CD99L2: variants seen among roughly 807,000 people sequenced by gnomAD.
CD99L2 encodes the protein CD99 molecule like 2.
CD99L2 carries 24 observed loss-of-function variants against 27.3 expected under a neutral mutation model. The observed-to-expected ratio is 0.88, with a 90% confidence interval of 0.64 to 1.24. The LOEUF is 1.24. Ranked by LOEUF, CD99L2 falls within the 50% of genes most tolerant of loss-of-function variation. The pLI, the probability that CD99L2 is intolerant of heterozygous loss-of-function variation, is 0.00. For synonymous variants in CD99L2, 97 were observed against 87.9 expected, an observed-to-expected ratio of 1.10 and a Z score of -0.58; for missense variants, 255 against 221.6, an observed-to-expected ratio of 1.15 and a Z score of -0.96.
At chrX:150,845,917 G>A (rs2046694306) in intron 1 of CD99L2, among the ~76,000 whole-genome samples, 3 of 112,469 alleles carry the variant, frequency 2.7e-5, no homozygotes, top group Non-Finnish European at 3.8e-5. Flanking sequence ...TTAGCTGGGC[G>A]CAGTGGCTCA....
intron 2 of CD99L2, among the ~76,000 whole-genome samples, chrX:150,817,947 TA>T (rs1185342506): frequency 1.5e-3 from 167 of 110,375 alleles, no homozygotes; most frequent in African/African-American, 5.0e-3. Context: ...GCAGCTATAC[TA>T]ATATCAGATA....
chrX:150,795,609 C>T, intron 4 of CD99L2, 123 bp from the exon 5 acceptor site: 1 of 639,703 alleles, frequency 1.6e-6, no homozygotes, highest in Non-Finnish European at 2.5e-6. Context: ...TCCTATAGGA[C>T]CTCTGCAGAA....
At chrX:150,853,793 G>A (rs1684712206) in intron 1 of CD99L2, among the ~76,000 whole-genome samples, 1 of 111,893 alleles carries the variant, frequency 8.9e-6, no homozygotes, top group Admixed American at 9.5e-5. Context: ...ACAATCCAGT[G>A]CACCATGTTC....
intron 1 of CD99L2, among the ~76,000 whole-genome samples, chrX:150,862,438 G>A (rs1198400062): frequency 1.9e-4 from 21 of 111,732 alleles, no homozygotes; most frequent in Admixed American, 1.7e-3. Flanking sequence ...GCCAAGGAAC[G>A]CAGGCAGTCT....
At chrX:150,867,504 C>T (rs1217798730) in intron 1 of CD99L2, among the ~76,000 whole-genome samples, 2 of 112,064 alleles carry the variant, frequency 1.8e-5, no homozygotes, top group Non-Finnish European at 3.8e-5. Context: ...TGGCTCACGC[C>T]TGTAATCCCA....
chrX:150,783,411 C>T (rs781833412), intron 7 of CD99L2, among the ~76,000 whole-genome samples: 4 of 111,399 alleles, frequency 3.6e-5, no homozygotes, highest in South Asian at 3.8e-4. Context: ...CCCTTTAACC[C>T]TGTGAACTAC....
At chrX:150,776,397 C>T (rs2043553766) in intron 8 of CD99L2, 104 bp from the exon 9 acceptor site, 11 of 944,440 alleles carry the variant, frequency 1.2e-5, no homozygotes, top group African/African-American at 5.9e-5. Flanking sequence ...AACTACTAGA[C>T]GCCCCCAACC....
intron 1 of CD99L2, among the ~76,000 whole-genome samples, chrX:150,849,632 T>C (rs1321094112): frequency 1.8e-5 from 2 of 111,693 alleles, no homozygotes; most frequent in Non-Finnish European, 3.8e-5. Context: ...CAGTGAGCCA[T>C]GACCGCACCA....
Position 150,861,905 on chromosome X carries a change from C to CA in CD99L2, c.68-30613dup, listed in dbSNP as rs1344952307. ...TGGGCAACAGAGCGAGACTCTTTCT[C>CA]AAAAAAAAAAAAAGAGAGAGAGAGA... On this transcript the variant is annotated intron_variant, in intron 1 of 10. Transcript: ENST00000370377. Among the ~76,000 whole-genome samples, 578 of 82,718 alleles carry CA rather than the reference C, an allele frequency of 7.0e-3. 7 individuals are homozygous for CA. Among genetic ancestry groups the CA allele is most frequent in the African/African-American group, 0.02 (445 of 21,859 alleles). The allele number at this position is 82,718 out of a possible 115,157, so 71.8% of individuals were successfully genotyped here. A position where few individuals can be genotyped will look rare whatever the true frequency, so the allele number is the denominator to read the frequency against.
chrX:150,821,643 A>G (rs1465983112), intron 2 of CD99L2, among the ~76,000 whole-genome samples: 1 of 112,688 alleles, frequency 8.9e-6, no homozygotes, highest in Non-Finnish European at 1.9e-5. Context: ...AAAAGAAAAA[A>G]CACATAAATT....
intron 1 of CD99L2, among the ~76,000 whole-genome samples, chrX:150,868,204 A>T (rs1321396532): frequency 9.0e-6 from 1 of 111,550 alleles, no homozygotes; most frequent in African/African-American, 3.3e-5. Context: ...TGTTGGTAAC[A>T]TTCAATATCC....
rs1557418791 is a variant in CD99L2, at chrX:150,768,469, CTG to C, written c.*563_*564del. On this transcript the variant is annotated 3_prime_UTR_variant, in exon 11 of 11. Coordinates refer to ENST00000370377, the MANE Select transcript of CD99L2 (RefSeq NM_031462.4). ...AACATAAAACCTGGGATGGGGAAGA[CTG>C]AAGTGAAACCATCATCCTGGGTGCT... 8.8e-6 allele frequency: 1 copy of C among 113,312 alleles called. No homozygotes were observed. Among genetic ancestry groups the C allele is most frequent in the African/African-American group, 3.2e-5 (1 of 31,030 alleles). 9.3% of individuals were successfully genotyped at this position (113,312 alleles called of 1,213,427 possible). A position where few individuals can be genotyped will look rare whatever the true frequency, so the allele number is the denominator to read the frequency against.
chrX:150,797,870 C>T (rs1359093065), intron 4 of CD99L2, among the ~76,000 whole-genome samples: 1 of 107,500 alleles, frequency 9.3e-6, no homozygotes, highest in Non-Finnish European at 1.9e-5. Context: ...ATTGTGAAAT[C>T]CCATCTCTAC....
intron 4 of CD99L2, among the ~76,000 whole-genome samples, chrX:150,796,015 C>T (rs2045790801): frequency 8.9e-6 from 1 of 112,604 alleles, no homozygotes; most frequent in Admixed American, 9.4e-5. Context: ...AGATTCCTTT[C>T]AAATATGGAC....
chrX:150,785,057 C>A (rs1486464390), intron 7 of CD99L2, among the ~76,000 whole-genome samples: 1 of 110,806 alleles, frequency 9.0e-6, no homozygotes, highest in Non-Finnish European at 1.9e-5. Context: ...TGGTGGAAGG[C>A]AAGCAGTTTA....
intron 4 of CD99L2, among the ~76,000 whole-genome samples, chrX:150,809,629 C>T (rs145312612): frequency 1.8e-3 from 198 of 111,635 alleles, no homozygotes; most frequent in African/African-American, 5.7e-3. Context: ...ACAACCTGTA[C>T]AGGATGTTAC....
intron 4 of CD99L2, among the ~76,000 whole-genome samples, chrX:150,813,723 T>C (rs781897708): frequency 4.4e-5 from 5 of 112,626 alleles, no homozygotes; most frequent in African/African-American, 1.6e-4. Flanking sequence ...AAAACTGCTT[T>C]ATGTGATTAT....
chrX:150,832,084 C>T (rs1165833882), intron 1 of CD99L2, among the ~76,000 whole-genome samples: 2 of 112,215 alleles, frequency 1.8e-5, no homozygotes, highest in African/African-American at 6.5e-5. Flanking sequence ...TTCCAACCAA[C>T]AGCAACAAAA....
In CD99L2 at chrX:150,768,753, A is replaced by T; in HGVS notation, c.*281T>A. On this transcript the variant is annotated 3_prime_UTR_variant, in exon 11 of 11. Coordinates refer to ENST00000370377, the MANE Select transcript of CD99L2 (RefSeq NM_031462.4). ...CGCATCCTGTGCTCAGTAAAGCTGGAGGCAGGCTGGCTTTGGGAGTTGGTG... is the reference window on the plus strand; with the variant it reads ...CGCATCCTGTGCTCAGTAAAGCTGGTGGCAGGCTGGCTTTGGGAGTTGGTG... 1 of 415,356 alleles carries T rather than the reference A, an allele frequency of 2.4e-6. No homozygotes were observed. The highest frequency in any genetic ancestry group is 3.7e-6 in the Non-Finnish European group (1 of 272,211). The allele number at this position is 415,356 out of a possible 1,213,427, so 34.2% of individuals were successfully genotyped here.
Sources: gnomAD v4.1 joint callset for allele counts (sites outside exome capture counted in the v4.1 genomes callset) on GRCh38, gnomAD v4.1.1 for gene constraint, MANE v1.5 for transcripts, NCBI Gene and HGNC (gene_info 2026-07-23, HGNC 2026-07-21) for gene names.